Variants in PPP1R9A observed in about 807,000 individuals in gnomAD.
The protein encoded by PPP1R9A is neurabin-1.
A neutral mutation model predicts 141.9 loss-of-function variants in PPP1R9A; 59 were observed. The observed-to-expected ratio is 0.42, with a 90% CI of 0.34 to 0.52. PPP1R9A has a LOEUF of 0.52. Among genes scored for constraint, PPP1R9A ranks in the 20% least tolerant of loss-of-function variants. PPP1R9A has a pLI of 0.10. For synonymous variants in PPP1R9A, 500 were observed against 569.7 expected (o/e 0.88, Z 1.74); for missense variants, 1,444 against 1,611.9 (o/e 0.90, Z 1.78).
intron 7 of PPP1R9A, among the ~76,000 whole-genome samples, chr7:95,209,551 C>A (rs1419595244): frequency 6.6e-6 from 1 of 152,146 alleles, no homozygotes; most frequent in Non-Finnish European, 1.5e-5. Flanking sequence ...TGCCACAAAC[C>A]ACAAGTCAGC....
At chr7:94,932,336 A>T (rs1031549463) in intron 2 of PPP1R9A, among the ~76,000 whole-genome samples, 1 of 152,246 alleles carries the variant, frequency 6.6e-6, no homozygotes, top group Non-Finnish European at 1.5e-5. Context: ...TCTCTAAAAA[A>T]TAAGTGCTGG....
At chr7:95,023,574 G>A (rs1158969427) in intron 2 of PPP1R9A, among the ~76,000 whole-genome samples, 1 of 151,852 alleles carries the variant, frequency 6.6e-6, no homozygotes, top group Non-Finnish European at 1.5e-5. Flanking sequence ...GTTTGTTTGA[G>A]ATGGAGTCTT....
At chr7:94,984,287 AT>A (rs1484081194) in intron 2 of PPP1R9A, among the ~76,000 whole-genome samples, 1 of 152,090 alleles carries the variant, frequency 6.6e-6, no homozygotes, top group African/African-American at 2.4e-5. Context: ...TTGGTCTAAA[AT>A]TCTCTTTTTT....
At chr7:95,054,601 T>C (rs1339029546) in intron 2 of PPP1R9A, among the ~76,000 whole-genome samples, 1 of 152,130 alleles carries the variant, frequency 6.6e-6, no homozygotes, top group East Asian at 1.9e-4. Flanking sequence ...GTGTGGTTAC[T>C]GGAGCTATAA....
At chr7:95,165,973 C>T (rs985565497) in intron 5 of PPP1R9A, among the ~76,000 whole-genome samples, 4 of 151,864 alleles carry the variant, frequency 2.6e-5, no homozygotes, top group African/African-American at 9.7e-5. Context: ...CATAGTAAAA[C>T]CCCGTCTCTA....
intron 2 of PPP1R9A, among the ~76,000 whole-genome samples, chr7:94,988,772 AATACAT>A (rs1801149766): frequency 6.6e-6 from 1 of 152,096 alleles, no homozygotes. Context: ...ATGTAATACA[AATACAT>A]ATACATATAC....
chr7:95,149,995 A>C (rs1170407361), intron 4 of PPP1R9A, among the ~76,000 whole-genome samples: 1 of 152,130 alleles, frequency 6.6e-6, no homozygotes. Context: ...TGGTACTGGC[A>C]AAAGAATAGA....
At chr7:95,276,194 T>G (rs760676126) in intron 16 of PPP1R9A, among the ~76,000 whole-genome samples, 12 of 152,094 alleles carry the variant, frequency 7.9e-5, no homozygotes, top group Non-Finnish European at 1.3e-4. Context: ...AGACAGTCAC[T>G]CCCTCTCATC....
chr7:95,074,620 A>G (rs1182360092), intron 2 of PPP1R9A, among the ~76,000 whole-genome samples: 1 of 151,888 alleles, frequency 6.6e-6, no homozygotes, highest in Non-Finnish European at 1.5e-5. Context: ...GATTACAGAC[A>G]TGCGCCACCA....
At chr7:95,010,035 A>G (rs917619270) in intron 2 of PPP1R9A, among the ~76,000 whole-genome samples, 1 of 152,200 alleles carries the variant, frequency 6.6e-6, no homozygotes, top group Non-Finnish European at 1.5e-5. Context: ...TGTACTATTC[A>G]GAGGGTACAA....
intron 2 of PPP1R9A, among the ~76,000 whole-genome samples, chr7:94,917,702 C>T (rs1011212934): frequency 3.9e-5 from 6 of 152,110 alleles, no homozygotes; most frequent in Non-Finnish European, 8.8e-5. Context: ...GCCACTGTGC[C>T]CAGCAGTTGC....
At chr7:95,194,228 T>C (rs1835910153) in intron 5 of PPP1R9A, among the ~76,000 whole-genome samples, 1 of 152,014 alleles carries the variant, frequency 6.6e-6, no homozygotes, top group Non-Finnish European at 1.5e-5. Flanking sequence ...ATTTAAAAAT[T>C]TACCAAAAAT....
intron 7 of PPP1R9A, among the ~76,000 whole-genome samples, chr7:95,213,737 C>A (rs1323154529): frequency 1.3e-5 from 2 of 152,064 alleles, no homozygotes; most frequent in Non-Finnish European, 2.9e-5. Context: ...ACTTTGAAAA[C>A]CATCAAGTTT....
At chr7:95,096,881 G>A (rs1353978846) in intron 2 of PPP1R9A, among the ~76,000 whole-genome samples, 2 of 152,072 alleles carry the variant, frequency 1.3e-5, no homozygotes, top group Non-Finnish European at 2.9e-5. Flanking sequence ...GCAGGCTGAA[G>A]TCTTTGCTTT....
intron 5 of PPP1R9A, chr7:95,175,163 A>T (rs1483276142): frequency 6.6e-6 from 1 of 152,176 alleles, no homozygotes; most frequent in Non-Finnish European, 1.5e-5. Flanking sequence ...ACATGCAAGG[A>T]TAGATAATTA....
At chr7:95,225,636 A>C (rs1795034942) in intron 7 of PPP1R9A, among the ~76,000 whole-genome samples, 1 of 152,130 alleles carries the variant, frequency 6.6e-6, no homozygotes, top group African/African-American at 2.4e-5. Context: ...TAAAGAAATG[A>C]CTTATTTCCC....
rs931685031 is a variant in PPP1R9A, at chr7:95,274,118, G to A, written c.3246G>A (p.Lys1082=). The A allele has an allele frequency of 6.3e-6, 10 of 1,584,198 alleles. No homozygotes were observed. Among genetic ancestry groups the A allele is most frequent in the South Asian group, 1.1e-5 (1 of 88,422 alleles). Residue 1082 remains lysine, a synonymous_variant, in exon 16 of 20, where the codon AAG becomes AAA. Coordinates refer to ENST00000433360, the MANE Select transcript of PPP1R9A (RefSeq NM_001166160.2). ...TGCGAAGGAATTCCAGCAAGGGAAA[G>A]AAGTGGAAAGAAAAAGAAAAAGAAG... is the stretch of plus-strand genomic sequence containing the variant. ...APLRRNSSKG[K]KWKEKEKEAS...
intron 2 of PPP1R9A, among the ~76,000 whole-genome samples, chr7:94,980,280 C>A (rs75985372): frequency 0.021 from 3,119 of 152,014 alleles, 36 homozygotes; most frequent in Non-Finnish European, 0.03. Flanking sequence ...GGGCCTCATG[C>A]GGCCCGTGGG....
intron 2 of PPP1R9A, among the ~76,000 whole-genome samples, chr7:94,995,355 C>T (rs185078349): frequency 3.9e-5 from 6 of 152,108 alleles, no homozygotes; most frequent in African/African-American, 1.4e-4. Flanking sequence ...TTTTATAAAA[C>T]TTGGAAAAAT....
Sources: allele counts gnomAD v4.1 joint callset (sites outside exome capture counted in the v4.1 genomes callset), GRCh38; gene constraint gnomAD v4.1.1; transcripts MANE v1.5; gene names NCBI Gene and HGNC (gene_info 2026-07-23, HGNC 2026-07-21).